CDH13: variants seen among roughly 807,000 people sequenced by gnomAD.
CDH13 encodes the protein cadherin-13.
In CDH13, 24 loss-of-function variants were observed where a neutral mutation model predicts 63.8. The observed-to-expected ratio is 0.38, with a 90% confidence interval of 0.27 to 0.53. The LOEUF is 0.53. Ranked by LOEUF, CDH13 falls within the 20% of genes least tolerant of loss-of-function variation. The pLI is 0.85. For missense variants in CDH13, 1,049 were observed against 903.1 expected (o/e 1.16, Z -2.07); for synonymous variants, 503 against 355.3 (o/e 1.42, Z -4.67).
At chr16:83,330,206 AACAC>A (rs148041186) in intron 5 of CDH13, among the ~76,000 whole-genome samples, 1 of 152,080 alleles carries the variant, frequency 6.6e-6, no homozygotes, top group Non-Finnish European at 1.5e-5. Context: ...TACACATGTA[AACAC>A]ACACACACAT....
chr16:82,975,338 A>T (rs1909353043), intron 2 of CDH13, among the ~76,000 whole-genome samples: 1 of 152,206 alleles, frequency 6.6e-6, no homozygotes, highest in Non-Finnish European at 1.5e-5. Flanking sequence ...TGTGGACTCC[A>T]TGGAAGAGAG....
chr16:83,260,939 C>G (rs774345178), intron 5 of CDH13, among the ~76,000 whole-genome samples: 1 of 151,918 alleles, frequency 6.6e-6, no homozygotes, highest in Non-Finnish European at 1.5e-5. Context: ...GGCCATGTAT[C>G]GGGGGAGCTC....
chr16:83,178,183 A>G (rs1009509952), intron 4 of CDH13, among the ~76,000 whole-genome samples: 3 of 152,168 alleles, frequency 2.0e-5, no homozygotes, highest in Non-Finnish European at 2.9e-5. Flanking sequence ...CCTCAGAACT[A>G]TAGACATTTG....
intron 1 of CDH13, among the ~76,000 whole-genome samples, chr16:82,762,500 A>G (rs2034892437): frequency 6.6e-6 from 1 of 152,238 alleles, no homozygotes; most frequent in Non-Finnish European, 1.5e-5. Context: ...CCCCTAAGTC[A>G]GTAATTCTAA....
At chr16:83,404,966 T>C (rs1215721219) in intron 6 of CDH13, among the ~76,000 whole-genome samples, 3 of 152,168 alleles carry the variant, frequency 2.0e-5, no homozygotes, top group African/African-American at 4.8e-5. Context: ...TCTAAAGCAG[T>C]GAACAAAGTA....
At chr16:83,733,697 C>G (rs1053867139) in intron 10 of CDH13, among the ~76,000 whole-genome samples, 1 of 152,150 alleles carries the variant, frequency 6.6e-6, no homozygotes, top group African/African-American at 2.4e-5. Context: ...GGTTAATCAC[C>G]CAATAAAAAT....
In CDH13 at chr16:82,894,413, G is replaced by A. The variant is rs139605236; in HGVS notation, c.157+35940G>A. Among the ~76,000 whole-genome samples, 15 of 152,256 alleles carry A rather than the reference G, an allele frequency of 9.9e-5. No homozygotes were observed. In the South Asian group the frequency reaches 2.5e-3, roughly 25 times the overall value. ...TCCCAGCACTTTGAGAGGCTGAGGC[G>A]AGTGGATCACCTGAAGTCAAGAGTT... is the stretch of plus-strand genomic sequence containing the variant. On this transcript the variant is annotated intron_variant, in intron 2 of 13. Transcript: ENST00000567109.
At chr16:83,087,672 A>AG (rs2033678420) in intron 3 of CDH13, among the ~76,000 whole-genome samples, 1 of 27,292 alleles carries the variant, frequency 3.7e-5, no homozygotes, top group South Asian at 1.8e-3. Flanking sequence ...CCTCCGTCTC[A>AG]AAAAAAAAAA....
At chr16:83,192,504 C>T (rs2038750087) in intron 4 of CDH13, among the ~76,000 whole-genome samples, 1 of 152,156 alleles carries the variant, frequency 6.6e-6, no homozygotes, top group African/African-American at 2.4e-5. Context: ...TCCCAGCTCT[C>T]CCTCCACATG....
At chr16:82,942,442 T>TA (rs1417591174) in intron 2 of CDH13, among the ~76,000 whole-genome samples, 6 of 152,228 alleles carry the variant, frequency 3.9e-5, no homozygotes, top group African/African-American at 1.4e-4. Context: ...TATCCTGTTA[T>TA]AAGTGCTCTG....
intron 1 of CDH13, among the ~76,000 whole-genome samples, chr16:82,796,966 A>T (rs951584932): frequency 1.3e-5 from 2 of 152,198 alleles, no homozygotes; most frequent in African/African-American, 4.8e-5. Context: ...CTGAATGCCC[A>T]TTGGAGGCAG....
At chr16:83,543,767 T>G (rs2075335050) in intron 7 of CDH13, among the ~76,000 whole-genome samples, 1 of 152,194 alleles carries the variant, frequency 6.6e-6, no homozygotes, top group African/African-American at 2.4e-5. Flanking sequence ...CCAGGGGTGC[T>G]GCTGAACATC....
At chr16:82,672,994 G>GTTTTTTT (rs1194023626) in intron 1 of CDH13, among the ~76,000 whole-genome samples, 24 of 26,496 alleles carry the variant, frequency 9.1e-4, no homozygotes, top group Admixed American at 1.9e-3. Flanking sequence ...TTTTTATAAA[G>GTTTTTTT]TTTTCTTTTT....
intron 11 of CDH13, among the ~76,000 whole-genome samples, chr16:83,772,601 T>C (rs536271735): frequency 1.3e-5 from 2 of 152,358 alleles, no homozygotes; most frequent in African/African-American, 2.4e-5. Context: ...GGATCAATCA[T>C]GGATTCAATT....
intron 7 of CDH13, among the ~76,000 whole-genome samples, chr16:83,528,541 G>A (rs879399588): frequency 1.3e-5 from 2 of 151,998 alleles, no homozygotes; most frequent in East Asian, 1.9e-4. Context: ...CCTTGGGAGG[G>A]CACTTATCTT....
At chr16:83,724,257 GAATGCATGGGTGGGTGATT>G (rs1910088492) in intron 10 of CDH13, among the ~76,000 whole-genome samples, 1 of 114,914 alleles carries the variant, frequency 8.7e-6, no homozygotes, top group East Asian at 2.2e-4. Flanking sequence ...GGTGGATGAT[GAATGCATGGGTGGGTGATT>G]AATGCATGGG....
chr16:83,388,337 C>T (rs919284007), intron 6 of CDH13, among the ~76,000 whole-genome samples: 1 of 151,652 alleles, frequency 6.6e-6, no homozygotes, highest in African/African-American at 2.4e-5. Flanking sequence ...CCTGTAGTCC[C>T]AACTACTTGG....
In CDH13 at chr16:83,733,832, C is replaced by T. The variant is rs527913856; in HGVS notation, c.1539-14276C>T. Among the ~76,000 whole-genome samples, 7 of 152,328 alleles carry T rather than the reference C, an allele frequency of 4.6e-5. No individual in the cohort carries two copies. In the South Asian group the frequency reaches 1.4e-3, roughly 32 times the overall value. ...CCACCCTGGGAAACTGATCACCTGT[C>T]CAGACACCACCATGCCTTGGCGTAA... On this transcript the variant is annotated intron_variant, in intron 10 of 13. Transcript: ENST00000567109.
intron 10 of CDH13, among the ~76,000 whole-genome samples, chr16:83,736,141 G>A (rs71404108): frequency 0.16 from 23,735 of 152,058 alleles, 1,935 homozygotes; most frequent in Middle Eastern, 0.21. Flanking sequence ...ATTACCTATA[G>A]GATCAGACTT....
Sources: allele counts gnomAD v4.1 joint callset (sites outside exome capture counted in the v4.1 genomes callset), GRCh38; gene constraint gnomAD v4.1.1; transcripts MANE v1.5; gene names NCBI Gene and HGNC (gene_info 2026-07-23, HGNC 2026-07-21).